KSR2: variants seen among roughly 807,000 people sequenced by gnomAD.
The protein encoded by KSR2 is kinase suppressor of ras 2.
A neutral mutation model predicts 107.8 loss-of-function variants in KSR2; 25 were observed. The observed-to-expected ratio is 0.23, with a 90% CI of 0.17 to 0.32. The LOEUF (loss-of-function observed/expected upper bound fraction) is 0.32, where lower values mean the gene tolerates loss of function less well. KSR2 is among the 10% of genes least tolerant of loss of function. The probability of loss-of-function intolerance (pLI) is 1.00; values close to 1 mark genes in which losing one functional copy is unlikely to be tolerated. For synonymous variants in KSR2, 480 were observed against 507.0 expected, an observed-to-expected ratio of 0.95 and a Z score of 0.71; for missense variants, 887 against 1,268.9, an observed-to-expected ratio of 0.70 and a Z score of 4.57.
chr12:117,948,782 AG>A (rs1896272135), intron 1 of KSR2, among the ~76,000 whole-genome samples: 1 of 152,204 alleles, frequency 6.6e-6, no homozygotes, highest in Non-Finnish European at 1.5e-5. Context: ...AAGTAATTGG[AG>A]TTTTTGCCAT....
At chr12:117,549,256 G>A (rs540392803) in intron 9 of KSR2, among the ~76,000 whole-genome samples, 1 of 152,318 alleles carries the variant, frequency 6.6e-6, no homozygotes, top group East Asian at 1.9e-4. Flanking sequence ...ATAGAAAGAA[G>A]CTCCCACTTG....
intron 3 of KSR2, among the ~76,000 whole-genome samples, chr12:117,800,123 C>T (rs1038465879): frequency 2.6e-4 from 40 of 152,202 alleles, no homozygotes; most frequent in African/African-American, 9.4e-4. Flanking sequence ...ATTGCCCAAA[C>T]ACCACCTGTG....
intron 4 of KSR2, among the ~76,000 whole-genome samples, chr12:117,725,082 T>TCA (rs1397289530): frequency 1.3e-3 from 185 of 139,738 alleles, no homozygotes; most frequent in Middle Eastern, 3.8e-3. Context: ...TCTCTCTCTC[T>TCA]CTCACACACA....
At chr12:117,929,064 C>A (rs112289653) in intron 1 of KSR2, among the ~76,000 whole-genome samples, 3 of 152,354 alleles carry the variant, frequency 2.0e-5, no homozygotes, top group African/African-American at 7.2e-5. Context: ...AGCACCATCA[C>A]CAAGTAGTTG....
chr12:117,485,661 A>G lies in KSR2; in HGVS notation c.2250T>C (p.Val750=), dbSNP rs2137143451. The G allele has an allele frequency of 6.2e-7, 1 of 1,613,622 alleles. No homozygotes were observed. Among genetic ancestry groups the G allele is most frequent in the East Asian group, 2.2e-5 (1 of 44,884 alleles). The change falls in exon 15 of 20, where the codon GTT becomes GTC. Residue 750 remains valine (V), a synonymous_variant. Coordinates refer to ENST00000339824, the MANE Select transcript of KSR2 (RefSeq NM_173598.6). The stretch of plus-strand genomic sequence containing the variant: ...CCAAAACGATTTTGGCATCCCTCAC[A>G]ACGGAATAGAGCGTCCGTCCCTTAC... ...SLCKGRTLYS[V]VRDAKIVLDV...
chr12:117,814,419 G>A (rs1369712179), intron 3 of KSR2, among the ~76,000 whole-genome samples: 1 of 152,146 alleles, frequency 6.6e-6, no homozygotes, highest in Non-Finnish European at 1.5e-5. Context: ...CCTGGAGCAT[G>A]GGAGGATGGG....
chr12:117,610,738 CA>C (rs35825253), intron 5 of KSR2, among the ~76,000 whole-genome samples: 123 of 110,846 alleles, frequency 1.1e-3, no homozygotes, highest in East Asian at 2.9e-3. Context: ...GACCCTGTCT[CA>C]AAAAAAAAAA....
chr12:117,887,034 C>A (rs1233700906), intron 1 of KSR2, among the ~76,000 whole-genome samples: 2 of 152,104 alleles, frequency 1.3e-5, no homozygotes, highest in African/African-American at 4.8e-5. Flanking sequence ...AGTGATTCTC[C>A]CACTTCAGCC....
chr12:117,678,638 A>G (rs775023167), intron 4 of KSR2, among the ~76,000 whole-genome samples: 5 of 152,166 alleles, frequency 3.3e-5, no homozygotes, highest in African/African-American at 7.2e-5. Context: ...TGGGAGGAAT[A>G]TGGTTCCCCT....
chr12:117,865,901 C>T (rs1036706716), intron 1 of KSR2, among the ~76,000 whole-genome samples: 7 of 152,138 alleles, frequency 4.6e-5, no homozygotes, highest in Admixed American at 3.9e-4. Context: ...AACATCGTAT[C>T]ATATAGCATA....
At chr12:117,803,921 G>T (rs946369770) in intron 3 of KSR2, among the ~76,000 whole-genome samples, 11 of 152,148 alleles carry the variant, frequency 7.2e-5, no homozygotes, top group Non-Finnish European at 1.2e-4. Flanking sequence ...AGCTGCATCT[G>T]GAACCTAACT....
chr12:117,601,831 G>A (rs1294897285), intron 5 of KSR2, among the ~76,000 whole-genome samples: 1 of 152,184 alleles, frequency 6.6e-6, no homozygotes, highest in Non-Finnish European at 1.5e-5. Flanking sequence ...CCAGACAAGA[G>A]CCTGCCAACC....
intron 3 of KSR2, among the ~76,000 whole-genome samples, chr12:117,792,752 C>A (rs904269596): frequency 6.6e-6 from 1 of 152,176 alleles, no homozygotes; most frequent in East Asian, 1.9e-4. Context: ...GATTGATGCA[C>A]CCAATCATAA....
Position 117,600,275 on chromosome 12 carries a change from G to A in KSR2, c.1172-17916C>T, listed in dbSNP as rs117914923. On this transcript the variant is annotated intron_variant, in intron 5 of 19. Transcript: ENST00000339824. ...CAAAGTCAGCAAACCAAATCCTAACGTGCAATCTTCCCAGGTTTTTCAAAA... is the reference window on the plus strand; with the variant it reads ...CAAAGTCAGCAAACCAAATCCTAACATGCAATCTTCCCAGGTTTTTCAAAA... Among the ~76,000 whole-genome samples, 691 of 152,254 alleles carry A rather than the reference G, an allele frequency of 4.5e-3. 4 individuals are homozygous for A. Among genetic ancestry groups the A allele is most frequent in the Non-Finnish European group, 7.9e-3 (540 of 68,016 alleles).
At chr12:117,787,662 G>A (rs549156945) in intron 3 of KSR2, among the ~76,000 whole-genome samples, 5 of 152,210 alleles carry the variant, frequency 3.3e-5, no homozygotes, top group Admixed American at 1.3e-4. Context: ...TTAATTGGTT[G>A]GTCAAAGCAA....
Position 117,700,273 on chromosome 12 carries a change from AC to A in KSR2, c.987-32616del, listed in dbSNP as rs1886249781. Among the ~76,000 whole-genome samples the A allele has an allele frequency of 2.0e-5, 3 of 152,244 alleles. No homozygotes were observed. The South Asian group carries it at 6.2e-4, about 32-fold the overall frequency. On this transcript the variant is annotated intron_variant, in intron 4 of 19. Transcript: ENST00000339824. ...AGGGGACACAGAATGTTTGGGACTTACCCAAGGCTATACAGCTACAGGGTGG... is the reference window on the plus strand; with the variant it reads ...AGGGGACACAGAATGTTTGGGACTTACCAAGGCTATACAGCTACAGGGTGG...
At chr12:117,694,605 G>GGTTCACAGCAGTTCACAT (rs1885971008) in intron 4 of KSR2, among the ~76,000 whole-genome samples, 1 of 152,110 alleles carries the variant, frequency 6.6e-6, no homozygotes, top group African/African-American at 2.4e-5. Context: ...AACCGATACT[G>GGTTCACAGCAGTTCACAT]GTTCACAGCA....
At chr12:117,766,976 T>G (rs1224596096) in intron 3 of KSR2, among the ~76,000 whole-genome samples, 1 of 151,620 alleles carries the variant, frequency 6.6e-6, no homozygotes, top group Non-Finnish European at 1.5e-5. Context: ...CTCCACCTCC[T>G]GGAGTTCAAG....
chr12:117,829,253 T>G (rs1235668482), intron 3 of KSR2, among the ~76,000 whole-genome samples: 1 of 152,158 alleles, frequency 6.6e-6, no homozygotes, highest in Non-Finnish European at 1.5e-5. Context: ...CTACAGGTTT[T>G]TCCGTATGCC....
Sources: gnomAD v4.1 joint callset for allele counts (sites outside exome capture counted in the v4.1 genomes callset) on GRCh38, gnomAD v4.1.1 for gene constraint, MANE v1.5 for transcripts, NCBI Gene and HGNC (gene_info 2026-07-23, HGNC 2026-07-21) for gene names.